GCSAML: variants seen among roughly 807,000 people sequenced by gnomAD.
GCSAML encodes the protein germinal center-associated signaling and motility-like protein.
Under a neutral mutation model 13.0 loss-of-function variants are expected in GCSAML, and 9 were observed. That is an observed-to-expected ratio of 0.69 (90% CI 0.42 to 1.21). GCSAML has a LOEUF of 1.21. Ranked by LOEUF, GCSAML falls within the 50% of genes most tolerant of loss-of-function variation. The probability of loss-of-function intolerance (pLI) is 0.00; values close to 1 mark genes in which losing one functional copy is unlikely to be tolerated. For missense variants in GCSAML, 143 were observed against 153.4 expected (o/e 0.93, Z 0.36); for synonymous variants, 37 against 52.9 (o/e 0.70, Z 1.31).
At chr1:247,517,975 G>A (rs923408232) in intron 1 of GCSAML, among the ~76,000 whole-genome samples, 6 of 152,322 alleles carry the variant, frequency 3.9e-5, no homozygotes, top group African/African-American at 1.4e-4. Flanking sequence ...CTTTCTGGCC[G>A]TGACTGGCAA....
At chr1:247,539,703 C>T (rs1667342750) in intron 2 of GCSAML, among the ~76,000 whole-genome samples, 1 of 152,030 alleles carries the variant, frequency 6.6e-6, no homozygotes, top group South Asian at 2.1e-4. Context: ...CTCTGTTCCT[C>T]ACATATAATC....
upstream of GCSAML, among the ~76,000 whole-genome samples, chr1:247,546,532 G>A (rs1180923531): frequency 6.6e-6 from 1 of 151,676 alleles, no homozygotes; most frequent in Non-Finnish European, 1.5e-5. Flanking sequence ...CTCATTTTTT[G>A]TATTTTTTTT....
intron 2 of GCSAML, among the ~76,000 whole-genome samples, chr1:247,539,983 C>T (rs1667355225): frequency 6.6e-6 from 1 of 152,156 alleles, no homozygotes; most frequent in African/African-American, 2.4e-5. Context: ...CTACTGTAGC[C>T]TCACAGGCTT....
At chr1:247,529,283 G>T (rs947900192) in intron 2 of GCSAML, 1 of 152,154 alleles carries the variant, frequency 6.6e-6, no homozygotes, top group African/African-American at 2.4e-5. Context: ...CCTGTAACCA[G>T]GAAACATATT....
intron 2 of GCSAML, among the ~76,000 whole-genome samples, chr1:247,562,696 C>G (rs1323072306): frequency 1.3e-5 from 2 of 152,080 alleles, no homozygotes; most frequent in African/African-American, 4.8e-5. Flanking sequence ...AGGAGTCTGA[C>G]TGACAGAGAA....
At chr1:247,534,574 G>A (rs528608019) in intron 2 of GCSAML, among the ~76,000 whole-genome samples, 54 of 152,280 alleles carry the variant, frequency 3.5e-4, no homozygotes, top group African/African-American at 1.1e-3. Flanking sequence ...GTGTGCTTCC[G>A]ATGTCCCTGA....
intron 1 of GCSAML, among the ~76,000 whole-genome samples, chr1:247,508,258 A>G (rs182959682): frequency 0.011 from 1,691 of 152,340 alleles, 17 homozygotes; most frequent in Non-Finnish European, 0.02. Flanking sequence ...CATTTCTCTA[A>G]TGACCAGTGA....
chr1:247,560,286 A>G (rs1231816828), intron 2 of GCSAML, among the ~76,000 whole-genome samples: 1 of 152,220 alleles, frequency 6.6e-6, no homozygotes, highest in East Asian at 1.9e-4. Flanking sequence ...GTGGTTGTGC[A>G]GTAATGTTTG....
intron 3 of GCSAML, among the ~76,000 whole-genome samples, chr1:247,563,940 T>C (rs1371822144): frequency 1.4e-5 from 2 of 141,592 alleles, no homozygotes; most frequent in Non-Finnish European, 3.0e-5. Flanking sequence ...AAGAAGTGTA[T>C]TTTTTTTTTT....
At chr1:247,552,481 G>T (rs1285665767) in intron 1 of GCSAML, among the ~76,000 whole-genome samples, 1 of 152,232 alleles carries the variant, frequency 6.6e-6, no homozygotes, top group Non-Finnish European at 1.5e-5. Context: ...CTGCAGATGA[G>T]TCTGGGGAAG....
At chr1:247,517,701 G>A (rs562685029) in intron 1 of GCSAML, among the ~76,000 whole-genome samples, 3 of 152,146 alleles carry the variant, frequency 2.0e-5, no homozygotes, top group South Asian at 2.1e-4. Context: ...TTTACTTAAC[G>A]TCTTGCCCTT....
intron 1 of GCSAML, among the ~76,000 whole-genome samples, chr1:247,554,633 T>G (rs1353972246): frequency 6.6e-6 from 1 of 152,168 alleles, no homozygotes; most frequent in African/African-American, 2.4e-5. Flanking sequence ...TTATTCTGTG[T>G]TTTTAGAAAG....
chr1:247,574,140 C>T lies in GCSAML; in HGVS notation c.169-3C>T. ...TGATTTCTTTTCTCTTTGTGCTTGG[C>T]AGGAAAACGAGAATGGCAGTGGTTC... On this transcript the variant is annotated splice_region_variant and splice_polypyrimidine_tract_variant and intron_variant, in intron 4 of 4. Transcript: ENST00000366488. The T allele has an allele frequency of 6.2e-7, 1 of 1,613,692 alleles. No individual in the cohort carries two copies. The highest frequency in any genetic ancestry group is 1.1e-5 in the South Asian group (1 of 91,000).
At chr1:247,533,332 C>T (rs953379550) in intron 2 of GCSAML, among the ~76,000 whole-genome samples, 3 of 152,046 alleles carry the variant, frequency 2.0e-5, no homozygotes, top group Non-Finnish European at 4.4e-5. Flanking sequence ...TGTCCGTGGC[C>T]CCTCATTCTT....
chr1:247,507,618 A>G (rs1237117169), intron 1 of GCSAML, among the ~76,000 whole-genome samples: 3 of 152,084 alleles, frequency 2.0e-5, no homozygotes, highest in Non-Finnish European at 4.4e-5. Flanking sequence ...GGTTTGCTGC[A>G]CCTATTAACC....
chr1:247,557,760 TCCC>T (rs1435836088), intron 2 of GCSAML, among the ~76,000 whole-genome samples: 1 of 152,120 alleles, frequency 6.6e-6, no homozygotes, highest in Non-Finnish European at 1.5e-5. Flanking sequence ...CTCCCCCCAC[TCCC>T]CTTATGGTTT....
chr1:247,556,432 C>T lies in GCSAML; in HGVS notation c.55C>T (p.Pro19Ser), dbSNP rs558325038. The change falls in exon 2 of 5, where the codon CCC becomes TCC. Residue 19 changes from proline to serine, a missense_variant. Coordinates refer to ENST00000366488, the MANE Select transcript of GCSAML (RefSeq NM_145278.5). Reference sequence around the variant, plus strand: ...TTGCCTGGGAGAGAATCAAAAGAAGCCCAAGAAAGGAAACCCAGATGAGGA... The same window carrying T: ...TTGCCTGGGAGAGAATCAAAAGAAGTCCAAGAAAGGAAACCCAGATGAGGA... ...LSCLGENQKK[P>S]KKGNPDEERK... 7.9e-5 allele frequency: 127 copies of T among 1,611,462 alleles called. 1 individual carries two copies. In the Middle Eastern group the frequency reaches 9.9e-4, roughly 13 times the overall value.
chr1:247,570,501 A>G (rs1668562315), intron 4 of GCSAML, among the ~76,000 whole-genome samples: 3 of 152,216 alleles, frequency 2.0e-5, no homozygotes, highest in South Asian at 2.1e-4. Flanking sequence ...TTCAGTTTCC[A>G]TGTAGTTTTG....
chr1:247,538,867 A>G (rs892816345), intron 2 of GCSAML: 1 of 397,232 alleles, frequency 2.5e-6, no homozygotes, highest in African/African-American at 2.1e-5. Context: ...CCTGCCTAAT[A>G]CAGATGGCTA....
Sources: allele counts gnomAD v4.1 joint callset (sites outside exome capture counted in the v4.1 genomes callset), GRCh38; gene constraint gnomAD v4.1.1; transcripts MANE v1.5; gene names NCBI Gene and HGNC (gene_info 2026-07-23, HGNC 2026-07-21).